FGD4: variants seen among roughly 807,000 people sequenced by gnomAD.
FGD4 encodes the protein FYVE, RhoGEF and PH domain containing 4.
In FGD4, 42 loss-of-function variants were observed where a neutral mutation model predicts 102.0. The observed-to-expected ratio is 0.41, with a 90% CI of 0.32 to 0.53. FGD4 has a LOEUF of 0.53. Ranked by LOEUF, FGD4 falls within the 20% of genes least tolerant of loss-of-function variation. FGD4 has a pLI of 0.21. For missense variants in FGD4, 902 were observed against 1,078.2 expected, an observed-to-expected ratio of 0.84 and a Z score of 2.29; for synonymous variants, 380 against 375.7, an observed-to-expected ratio of 1.01 and a Z score of -0.13.
chr12:32,639,008 CCTTT>C lies in FGD4; in HGVS notation c.2454+217_2454+220del, dbSNP rs779161431. ...TCTTCAGTTTGTGGATCATCTGTCC[CCTTT>C]CTTGTCTCATTCAATGGGTTTGAGA... On this transcript the variant is annotated intron_variant, in intron 16 of 16. Transcript: ENST00000534526. 40 of 1,329,654 alleles carry C rather than the reference CCTTT, an allele frequency of 3.0e-5. 2 individuals are homozygous for C. The highest frequency in any genetic ancestry group is 6.4e-5 in the Admixed American group (2 of 31,464). 82.4% of individuals were successfully genotyped at this position (1,329,654 alleles called of 1,614,324 possible).
chr12:32,453,219 T>A (rs1227572826), intron 1 of FGD4, among the ~76,000 whole-genome samples: 2 of 109,822 alleles, frequency 1.8e-5, no homozygotes, highest in African/African-American at 3.5e-5. Flanking sequence ...TATATATATA[T>A]AATATAGATA....
intron 1 of FGD4, among the ~76,000 whole-genome samples, chr12:32,469,281 C>T (rs1943351381): frequency 6.6e-6 from 1 of 151,568 alleles, no homozygotes; most frequent in South Asian, 2.1e-4. Flanking sequence ...AATTTGTTAT[C>T]TTTTATTTAT....
chr12:32,446,525 T>C (rs1942621512), intron 1 of FGD4, among the ~76,000 whole-genome samples: 1 of 152,160 alleles, frequency 6.6e-6, no homozygotes, highest in Admixed American at 6.5e-5. Context: ...GATAAAGACA[T>C]TCCTTTCCTC....
At chr12:32,606,558 C>A (rs145803903) in intron 7 of FGD4, among the ~76,000 whole-genome samples, 18 of 151,938 alleles carry the variant, frequency 1.2e-4, no homozygotes, top group African/African-American at 4.3e-4. Context: ...GTTTCTCCTC[C>A]TGGGCTCGCT....
Position 32,466,280 on chromosome 12 carries a change from C to T in FGD4, c.166+66321C>T, listed in dbSNP as rs141378015. ...TGCAGTATCTCTGAGTGTGCCTGTA[C>T]ATATACATATAAAAAATTGTATCAT... is the stretch of plus-strand genomic sequence containing the variant. On this transcript the variant is annotated intron_variant, in intron 1 of 16. Transcript: ENST00000534526. 8.7e-4 allele frequency among the ~76,000 whole-genome samples: 133 copies of T among 152,120 alleles called. 2 individuals are homozygous for T. The highest frequency in any genetic ancestry group is 1.6e-3 in the Non-Finnish European group (107 of 68,022).
chr12:32,497,156 T>C (rs1475257520), intron 1 of FGD4, among the ~76,000 whole-genome samples: 1 of 152,158 alleles, frequency 6.6e-6, no homozygotes, highest in Non-Finnish European at 1.5e-5. Context: ...GAACAACAAG[T>C]ACTTCTCTGA....
At chr12:32,482,777 C>T (rs1267639061) in intron 1 of FGD4, among the ~76,000 whole-genome samples, 3 of 152,150 alleles carry the variant, frequency 2.0e-5, no homozygotes, top group South Asian at 2.1e-4. Flanking sequence ...TTTCATCCCA[C>T]GTTAATAATT....
intron 1 of FGD4, among the ~76,000 whole-genome samples, chr12:32,472,301 G>C (rs564690129): frequency 6.6e-6 from 1 of 152,342 alleles, no homozygotes; most frequent in African/African-American, 2.4e-5. Flanking sequence ...GGAGAGGCAC[G>C]AGCGGGAACC....
chr12:32,625,517 G>C lies in FGD4; in HGVS notation c.2047-137G>C, dbSNP rs1428070015. 40 of 1,074,642 alleles carry C rather than the reference G, an allele frequency of 3.7e-5. No homozygotes were observed. The South Asian group carries it at 5.5e-4, about 15-fold the overall frequency. 66.6% of individuals were successfully genotyped at this position (1,074,642 alleles called of 1,614,324 possible). A position where few individuals can be genotyped will look rare whatever the true frequency, so the allele number is the denominator to read the frequency against. Reference sequence around the variant, plus strand: ...ACTACTGACTTCAGGTGATCCGCCTGCCTCAGCTTCCGAAAGTGCTGGGAT... The same window carrying C: ...ACTACTGACTTCAGGTGATCCGCCTCCCTCAGCTTCCGAAAGTGCTGGGAT... On this transcript the variant is annotated intron_variant, in intron 13 of 16. Coordinates refer to ENST00000534526, the MANE Select transcript of FGD4 (RefSeq NM_001370298.3).
At chr12:32,582,850 G>A (rs61926175) in intron 4 of FGD4, 1 of 203,542 alleles carries the variant, frequency 4.9e-6, no homozygotes, top group Non-Finnish European at 1.0e-5. Context: ...TTGTTGTTCA[G>A]AAGTTTCTAA....
intron 2 of FGD4, among the ~76,000 whole-genome samples, chr12:32,570,788 A>G (rs1159870385): frequency 6.6e-6 from 1 of 152,172 alleles, no homozygotes; most frequent in Non-Finnish European, 1.5e-5. Flanking sequence ...ACAAAATAAT[A>G]CAAAATAATT....
intron 1 of FGD4, among the ~76,000 whole-genome samples, chr12:32,552,434 ATTTT>A (rs66646521): frequency 5.5e-4 from 66 of 121,002 alleles, no homozygotes; most frequent in African/African-American, 1.5e-3. Context: ...TAATTTTTGC[ATTTT>A]TTTTTTTTTT....
intron 1 of FGD4, among the ~76,000 whole-genome samples, chr12:32,555,569 CTTT>C (rs776546962): frequency 1.7e-5 from 2 of 118,736 alleles, no homozygotes; most frequent in Non-Finnish European, 3.5e-5. Flanking sequence ...GAGACAAGGT[CTTT>C]TTTTTTTTTT....
intron 1 of FGD4, among the ~76,000 whole-genome samples, chr12:32,535,917 G>T (rs1228498010): frequency 6.6e-6 from 1 of 152,164 alleles, no homozygotes; most frequent in South Asian, 2.1e-4. Context: ...GCACCCTTTA[G>T]AGAGTGGCCA....
intron 1 of FGD4, among the ~76,000 whole-genome samples, chr12:32,433,158 C>T (rs1016729789): frequency 1.3e-5 from 2 of 151,566 alleles, no homozygotes; most frequent in Non-Finnish European, 2.9e-5. Context: ...CACCACACCT[C>T]GCTAATTTTT....
intron 8 of FGD4, 29 bp downstream of exon 8, chr12:32,608,124 A>AT: frequency 1.2e-6 from 2 of 1,613,722 alleles, no homozygotes; most frequent in Non-Finnish European, 1.7e-6. Context: ...TTTTCTCCCT[A>AT]TTTTGGAATA....
At chr12:32,525,090 C>G (rs1941002623) in intron 1 of FGD4, among the ~76,000 whole-genome samples, 1 of 152,140 alleles carries the variant, frequency 6.6e-6, no homozygotes, top group Non-Finnish European at 1.5e-5. Context: ...CTTTCTTTTT[C>G]TACTCCCTAT....
intron 1 of FGD4, among the ~76,000 whole-genome samples, chr12:32,471,231 C>A (rs1943408060): frequency 6.6e-6 from 1 of 152,130 alleles, no homozygotes; most frequent in African/African-American, 2.4e-5. Flanking sequence ...TTCAACTGAG[C>A]CAGGCACTGG....
At chr12:32,517,769 C>G (rs921642414) in intron 1 of FGD4, among the ~76,000 whole-genome samples, 1 of 152,008 alleles carries the variant, frequency 6.6e-6, no homozygotes, top group Non-Finnish European at 1.5e-5. Context: ...GCCTGTAGTC[C>G]CAGCTATTTG....
Sources: gnomAD v4.1 joint callset for allele counts (sites outside exome capture counted in the v4.1 genomes callset) on GRCh38, gnomAD v4.1.1 for gene constraint, MANE v1.5 for transcripts, NCBI Gene and HGNC (gene_info 2026-07-23, HGNC 2026-07-21) for gene names.